Variants in ALPK2 observed in about 807,000 individuals in gnomAD.
The protein encoded by ALPK2 is alpha kinase 2.
A neutral mutation model predicts 163.1 loss-of-function variants in ALPK2; 127 were observed. The ratio of observed to expected loss-of-function variants is 0.78; its 90% CI spans 0.67 to 0.90. ALPK2 has a LOEUF of 0.90. ALPK2 is among the 40% of genes least tolerant of loss of function. The probability of loss-of-function intolerance (pLI) is 0.00; values close to 1 mark genes in which losing one functional copy is unlikely to be tolerated. For synonymous variants in ALPK2, 953 were observed against 959.1 expected (o/e 0.99, Z 0.12); for missense variants, 2,360 against 2,589.6 (o/e 0.91, Z 1.92).
intron 12 of ALPK2, among the ~76,000 whole-genome samples, chr18:58,489,326 G>A (rs900840571): frequency 4.6e-5 from 7 of 152,170 alleles, no homozygotes; most frequent in African/African-American, 1.7e-4. Context: ...GTTCTCATGA[G>A]CAACAGTCCC....
chr18:58,602,734 A>T (rs1159886422), intron 3 of ALPK2, among the ~76,000 whole-genome samples: 1 of 152,194 alleles, frequency 6.6e-6, no homozygotes. Flanking sequence ...GAGGTTAGGC[A>T]TTCTTAGTCA....
chr18:58,522,035 G>A (rs576982164), intron 8 of ALPK2, among the ~76,000 whole-genome samples: 11 of 152,240 alleles, frequency 7.2e-5, no homozygotes, highest in African/African-American at 1.9e-4. Context: ...GATTTCAGGC[G>A]TTCTGTTTGT....
chr18:58,537,372 C>T lies in ALPK2; in HGVS notation c.2815G>A (p.Gly939Arg). 6.2e-7 allele frequency: 1 copy of T among 1,614,070 alleles called. No homozygotes were observed. Among genetic ancestry groups the T allele is most frequent in the Non-Finnish European group, 8.5e-7 (1 of 1,179,970 alleles). Residue 939 changes from glycine to arginine, a missense_variant, in exon 5 of 13, where the codon GGG (glycine) becomes AGG (arginine). Coordinates refer to ENST00000361673, the MANE Select transcript of ALPK2 (RefSeq NM_052947.4). ...GAAAGGAGCTGTGTTTCATCAAGCC[C>T]TCCTGAGTTGCTGGGGCTTGGCTGC... ...QEQPSPSNSGGLDETQLLSSE... is the reference protein window; with the variant it reads ...QEQPSPSNSGRLDETQLLSSE...
chr18:58,604,073 C>A (rs112365194), intron 3 of ALPK2, among the ~76,000 whole-genome samples: 1 of 152,132 alleles, frequency 6.6e-6, no homozygotes, highest in Non-Finnish European at 1.5e-5. Context: ...GAGAGAAAAT[C>A]AAAAGATTCA....
chr18:58,558,029 G>T (rs2051804028), intron 4 of ALPK2, among the ~76,000 whole-genome samples: 1 of 152,218 alleles, frequency 6.6e-6, no homozygotes, highest in Non-Finnish European at 1.5e-5. Flanking sequence ...TGAGCCACAT[G>T]TGGTTAGTGA....
chr18:58,593,974 G>A lies in ALPK2; in HGVS notation c.227+13348C>T, dbSNP rs191389963. On this transcript the variant is annotated intron_variant, in intron 3 of 12. Transcript: ENST00000361673. ...AAAAAAAAAAAAAAAGCACAATTAA[G>A]CAGCATAATGGGGTGAAACCTTCAC... is the stretch of plus-strand genomic sequence containing the variant. Among the ~76,000 whole-genome samples the A allele has an allele frequency of 5.9e-4, 85 of 145,152 alleles. No individual in the cohort carries two copies. In the East Asian group the frequency reaches 6.9e-3, roughly 12 times the overall value.
chr18:58,570,989 C>T (rs1280445474), intron 4 of ALPK2, among the ~76,000 whole-genome samples: 3 of 152,100 alleles, frequency 2.0e-5, no homozygotes, highest in African/African-American at 7.2e-5. Flanking sequence ...AGAAGCTTTC[C>T]TCTGACCTCA....
chr18:58,507,485 C>A (rs1021854655), intron 10 of ALPK2, among the ~76,000 whole-genome samples: 3 of 152,252 alleles, frequency 2.0e-5, no homozygotes, highest in African/African-American at 7.2e-5. Flanking sequence ...AGCTCCTCTG[C>A]TGCCCATGTG....
chr18:58,483,229 A>C (rs574472508), intron 12 of ALPK2, among the ~76,000 whole-genome samples: 7 of 152,190 alleles, frequency 4.6e-5, no homozygotes, highest in Non-Finnish European at 1.5e-5. Context: ...ATGTAAACCT[A>C]TGAGGTCCAC....
chr18:58,567,888 C>G (rs550376257), intron 4 of ALPK2, among the ~76,000 whole-genome samples: 1 of 152,262 alleles, frequency 6.6e-6, no homozygotes, highest in East Asian at 1.9e-4. Flanking sequence ...AGTGGCGCCC[C>G]CAGACCCACT....
intron 3 of ALPK2, 190 bp from the exon 4 acceptor site, chr18:58,580,738 A>G (rs1268967140): frequency 5.5e-5 from 33 of 601,368 alleles, no homozygotes; most frequent in Non-Finnish European, 2.9e-6. Context: ...AGTGCTGAGA[A>G]TCCTAGGCAA....
chr18:58,626,500 G>T lies in ALPK2; in HGVS notation c.-21+2264C>A, dbSNP rs115103187. ...GACTCGACTATAATCTTTGAGGAAA[G>T]GCTGGGCGTGTGCCTTCATTTTCAT... is the stretch of plus-strand genomic sequence containing the variant. On this transcript the variant is annotated intron_variant, in intron 1 of 12. Transcript: ENST00000361673. Among the ~76,000 whole-genome samples the T allele has an allele frequency of 7.9e-3, 1,201 of 151,984 alleles. 18 individuals are homozygous for T. Among genetic ancestry groups the T allele is most frequent in the African/African-American group, 0.028 (1,172 of 41,436 alleles).
At chr18:58,620,770 G>A (rs1426581783) in intron 1 of ALPK2, among the ~76,000 whole-genome samples, 1 of 152,188 alleles carries the variant, frequency 6.6e-6, no homozygotes, top group Non-Finnish European at 1.5e-5. Flanking sequence ...GCCTGTGATA[G>A]CAAAAGCTAA....
chr18:58,485,799 C>T (rs537410827), intron 12 of ALPK2, among the ~76,000 whole-genome samples: 1 of 152,262 alleles, frequency 6.6e-6, no homozygotes, highest in African/African-American at 2.4e-5. Context: ...GGGGGGACCC[C>T]GGTTGCTTCA....
chr18:58,584,040 A>G (rs1297658323), intron 3 of ALPK2, among the ~76,000 whole-genome samples: 1 of 152,236 alleles, frequency 6.6e-6, no homozygotes, highest in African/African-American at 2.4e-5. Flanking sequence ...TTAGAAAAAC[A>G]TGGAGAAAAT....
chr18:58,524,141 A>T (rs2144133317), intron 6 of ALPK2, 79 bp from the exon 7 acceptor site: 1 of 1,526,322 alleles, frequency 6.6e-7, no homozygotes, highest in East Asian at 2.3e-5. Context: ...AAGGAGAAAG[A>T]AGCTAAGACT....
intron 10 of ALPK2, among the ~76,000 whole-genome samples, chr18:58,507,556 C>G (rs529166843): frequency 1.1e-4 from 17 of 152,110 alleles, no homozygotes; most frequent in Non-Finnish European, 2.2e-4. Context: ...TGAGAGGGAA[C>G]GTGGGCCTCT....
At chr18:58,556,532 A>T (rs1457404031) in intron 4 of ALPK2, among the ~76,000 whole-genome samples, 1 of 151,762 alleles carries the variant, frequency 6.6e-6, no homozygotes, top group Non-Finnish European at 1.5e-5. Context: ...TCTACCTTCA[A>T]TACGTGTCAG....
At chr18:58,615,385 A>G (rs2052161023) in intron 1 of ALPK2, among the ~76,000 whole-genome samples, 1 of 152,132 alleles carries the variant, frequency 6.6e-6, no homozygotes, top group African/African-American at 2.4e-5. Context: ...TGTGAACACA[A>G]TACAGGCTTT....
Sources: allele counts gnomAD v4.1 joint callset (sites outside exome capture counted in the v4.1 genomes callset), GRCh38; gene constraint gnomAD v4.1.1; transcripts MANE v1.5; gene names NCBI Gene and HGNC (gene_info 2026-07-23, HGNC 2026-07-21).